The following LRFN2 variants were observed in gnomAD, a reference collection of about 807,000 sequenced individuals.
LRFN2 encodes the protein leucine rich repeat and fibronectin type III domain containing 2.
Under a neutral mutation model 37.3 loss-of-function variants are expected in LRFN2, and 18 were observed. That is an observed-to-expected ratio of 0.48 (90% CI 0.33 to 0.72). The LOEUF (loss-of-function observed/expected upper bound fraction) is 0.72. Among genes scored for constraint, LRFN2 ranks in the 30% least tolerant of loss-of-function variants. The probability of loss-of-function intolerance (pLI) is 0.02; values close to 1 mark genes in which losing one functional copy is unlikely to be tolerated. For missense variants in LRFN2, 1,006 were observed against 1,060.7 expected (o/e 0.95, Z 0.72); for synonymous variants, 556 against 466.6 (o/e 1.19, Z -2.47).
chr6:40,530,537 T>G (rs1349990359), intron 1 of LRFN2, among the ~76,000 whole-genome samples: 1 of 152,052 alleles, frequency 6.6e-6, no homozygotes, highest in Admixed American at 6.5e-5. Flanking sequence ...TCTATAACGC[T>G]CTGTTCTTCC....
intron 1 of LRFN2, among the ~76,000 whole-genome samples, chr6:40,558,047 G>A (rs772050208): frequency 1.2e-4 from 19 of 152,206 alleles, no homozygotes; most frequent in Non-Finnish European, 2.5e-4. Flanking sequence ...GGTCCCTGAT[G>A]TGGTGCTCTG....
chr6:40,440,927 C>T (rs897329986), intron 1 of LRFN2, among the ~76,000 whole-genome samples: 1 of 152,162 alleles, frequency 6.6e-6, no homozygotes, highest in African/African-American at 2.4e-5. Flanking sequence ...ATCACTGTTC[C>T]ATTTCTGGGG....
rs533346024 is a variant in LRFN2 at position 40,551,788 on chromosome 6, C to T, written c.-19+35153G>A. Among the ~76,000 whole-genome samples, 4 of 152,300 alleles carry T rather than the reference C, an allele frequency of 2.6e-5. No homozygotes were observed. The East Asian group carries it at 7.7e-4, about 29-fold the overall frequency. On this transcript the variant is annotated intron_variant, in intron 1 of 2. Coordinates refer to ENST00000338305, the MANE Select transcript of LRFN2 (RefSeq NM_020737.3). ...GTGATTGAAGAATTCACTGAACATT[C>T]TTAATAAGAACAGCAGAAATTTTTA...
At chr6:40,479,033 T>C (rs1764767578) in intron 1 of LRFN2, among the ~76,000 whole-genome samples, 1 of 152,250 alleles carries the variant, frequency 6.6e-6, no homozygotes, top group Admixed American at 6.5e-5. Context: ...AAATTTTGTC[T>C]GGCTTAAAAC....
intron 1 of LRFN2, among the ~76,000 whole-genome samples, chr6:40,506,038 G>A (rs1361243315): frequency 1.3e-5 from 2 of 152,232 alleles, no homozygotes; most frequent in East Asian, 3.9e-4. Flanking sequence ...CCAGTGAGGG[G>A]CCTAGATCTT....
Position 40,433,093 on chromosome 6 carries a change from G to A in LRFN2, c.21C>T (p.Gly7=). Residue 7 remains glycine (G), a synonymous_variant, in exon 2 of 3, where the codon GGC becomes GGT. Coordinates refer to ENST00000338305, the MANE Select transcript of LRFN2 (RefSeq NM_020737.3). ...CAAACGCCATGCCAAACGCTAGCAGGCCACCAAGCAGGGTCTCCATGGTCT... is the reference window on the plus strand; with the variant it reads ...CAAACGCCATGCCAAACGCTAGCAGACCACCAAGCAGGGTCTCCATGGTCT... METLLG[G]LLAFGMAFAV... 1.3e-6 allele frequency: 2 copies of A among 1,525,850 alleles called. No homozygotes were observed. Among genetic ancestry groups the A allele is most frequent in the South Asian group, 1.3e-5 (1 of 76,020 alleles). The allele number at this position is 1,525,850 out of a possible 1,614,324, so 94.5% of individuals were successfully genotyped here. A position where few individuals can be genotyped will look rare whatever the true frequency, so the allele number is the denominator to read the frequency against.
At chr6:40,574,320 C>A (rs1767236902) in intron 1 of LRFN2, among the ~76,000 whole-genome samples, 1 of 152,156 alleles carries the variant, frequency 6.6e-6, no homozygotes, top group Admixed American at 6.5e-5. Flanking sequence ...GCTCAAAGAG[C>A]TAAGTGACTT....
At chr6:40,405,061 G>C (rs1237166612) in intron 2 of LRFN2, among the ~76,000 whole-genome samples, 6 of 152,188 alleles carry the variant, frequency 3.9e-5, no homozygotes. Flanking sequence ...CCAGCCCTTA[G>C]CCAGCCTGTG....
At chr6:40,510,514 A>G (rs1012278103) in intron 1 of LRFN2, among the ~76,000 whole-genome samples, 3 of 152,236 alleles carry the variant, frequency 2.0e-5, no homozygotes, top group Non-Finnish European at 4.4e-5. Context: ...AGAGAGTAAG[A>G]AAGTGCATAT....
chr6:40,391,947 A>G lies in LRFN2; in HGVS notation c.2366T>C (p.Val789Ala). ...AGGGAGCATGCCCACCCCCACCTAG[A>G]CCGTGCTCTCCATCACCCATTCGGA... ...GSSEWVMEST[V>A] Residue 789 changes from valine to alanine, a missense_variant, in exon 3 of 3, where the codon GTC becomes GCC. Val to Ala is a moderately conservative substitution (Grantham distance 64). Transcript: ENST00000338305. The G allele has an allele frequency of 6.4e-7, 1 of 1,561,498 alleles. No homozygotes were observed. The highest frequency in any genetic ancestry group is 8.7e-7 in the Non-Finnish European group (1 of 1,151,382).
chr6:40,461,530 C>T (rs1052205566), intron 1 of LRFN2, among the ~76,000 whole-genome samples: 1 of 151,882 alleles, frequency 6.6e-6, no homozygotes, highest in Non-Finnish European at 1.5e-5. Flanking sequence ...AGTTGCAGCC[C>T]CGAAAATACA....
At chr6:40,410,167 G>T (rs1409645172) in intron 2 of LRFN2, among the ~76,000 whole-genome samples, 1 of 152,266 alleles carries the variant, frequency 6.6e-6, no homozygotes, top group South Asian at 2.1e-4. Flanking sequence ...GGGTGGGGGA[G>T]CAGAGCCGTC....
chr6:40,495,005 C>T (rs894971937), intron 1 of LRFN2, among the ~76,000 whole-genome samples: 2 of 152,240 alleles, frequency 1.3e-5, no homozygotes, highest in Admixed American at 1.3e-4. Context: ...CATCCATCTG[C>T]TTGGCACCTG....
At chr6:40,559,045 G>C (rs1231976872) in intron 1 of LRFN2, among the ~76,000 whole-genome samples, 3 of 152,064 alleles carry the variant, frequency 2.0e-5, no homozygotes, top group Non-Finnish European at 4.4e-5. Context: ...TAAGGGCCAT[G>C]GATCAAACGG....
At chr6:40,433,647 C>T (rs888067157) in intron 1 of LRFN2, among the ~76,000 whole-genome samples, 2 of 152,106 alleles carry the variant, frequency 1.3e-5, no homozygotes, top group Admixed American at 1.3e-4. Flanking sequence ...TTGGTTTAGG[C>T]TTAGCATGAA....
intron 1 of LRFN2, chr6:40,501,878 A>G (rs889981854): frequency 2.0e-5 from 3 of 152,106 alleles, no homozygotes; most frequent in Admixed American, 6.6e-5. Flanking sequence ...GGGAGCAGAG[A>G]GCCACGCATC....
intron 2 of LRFN2, among the ~76,000 whole-genome samples, chr6:40,427,519 C>T (rs556820762): frequency 6.6e-5 from 10 of 152,338 alleles, no homozygotes; most frequent in African/African-American, 2.4e-4. Flanking sequence ...CACCTGCCCT[C>T]ATGAATGGCA....
At chr6:40,440,459 G>A (rs557118022) in intron 1 of LRFN2, among the ~76,000 whole-genome samples, 1 of 152,100 alleles carries the variant, frequency 6.6e-6, no homozygotes, top group Non-Finnish European at 1.5e-5. Flanking sequence ...TAGGCACCTG[G>A]GATATGTTTG....
At chr6:40,542,415 G>A (rs1443162092) in intron 1 of LRFN2, among the ~76,000 whole-genome samples, 8 of 152,104 alleles carry the variant, frequency 5.3e-5, no homozygotes, top group African/African-American at 1.2e-4. Context: ...ATGGGTGGGC[G>A]GGAGGTGCTG....
Sources: gnomAD v4.1 joint callset for allele counts (sites outside exome capture counted in the v4.1 genomes callset) on GRCh38, gnomAD v4.1.1 for gene constraint, MANE v1.5 for transcripts, NCBI Gene and HGNC (gene_info 2026-07-23, HGNC 2026-07-21) for gene names.